Variants in RAB27B observed in about 807,000 individuals in gnomAD.
RAB27B encodes the protein ras-related protein Rab-27B.
Under a neutral mutation model 24.6 loss-of-function variants are expected in RAB27B, and 15 were observed. That is an observed-to-expected ratio of 0.61 (90% CI 0.41 to 0.94). The LOEUF is 0.94. Among genes scored for constraint, RAB27B ranks in the 40% least tolerant of loss-of-function variants. RAB27B has a pLI of 0.00. For synonymous variants in RAB27B, 105 were observed against 92.5 expected, an observed-to-expected ratio of 1.14 and a Z score of -0.78; for missense variants, 261 against 266.8, an observed-to-expected ratio of 0.98 and a Z score of 0.15.
intron 1 of RAB27B, among the ~76,000 whole-genome samples, chr18:54,872,278 A>T (rs1413331224): frequency 6.6e-6 from 1 of 152,134 alleles, no homozygotes; most frequent in Non-Finnish European, 1.5e-5. Context: ...ATTCCTCTGA[A>T]GATATATTCT....
At chr18:54,740,961 T>C (rs1910052574) in intron 2 of RAB27B, among the ~76,000 whole-genome samples, 2 of 152,192 alleles carry the variant, frequency 1.3e-5, no homozygotes, top group African/African-American at 4.8e-5. Context: ...ACTTGGTCTT[T>C]ATTTTCAATA....
chr18:54,739,616 C>A (rs535570475), intron 2 of RAB27B, among the ~76,000 whole-genome samples: 1 of 148,594 alleles, frequency 6.7e-6, no homozygotes, highest in African/African-American at 2.5e-5. Context: ...CTTTGTGTGG[C>A]ACATTTTTAT....
At chr18:54,759,447 G>C (rs1274623109) in intron 2 of RAB27B, among the ~76,000 whole-genome samples, 1 of 152,150 alleles carries the variant, frequency 6.6e-6, no homozygotes, top group Non-Finnish European at 1.5e-5. Flanking sequence ...AATGAGCTCT[G>C]TAGTATGCTG....
chr18:54,850,568 T>C (rs1391971570), intron 1 of RAB27B, among the ~76,000 whole-genome samples: 3 of 150,610 alleles, frequency 2.0e-5, no homozygotes, highest in African/African-American at 2.4e-5. Context: ...CGTTTCACCA[T>C]GTTGGTCAGG....
At chr18:54,879,110 C>T (rs1912819072) in intron 2 of RAB27B, among the ~76,000 whole-genome samples, 1 of 152,126 alleles carries the variant, frequency 6.6e-6, no homozygotes, top group South Asian at 2.1e-4. Flanking sequence ...CTGATGTTTG[C>T]TGCCTCATGA....
intron 2 of RAB27B, among the ~76,000 whole-genome samples, chr18:54,747,372 C>T (rs950682406): frequency 5.3e-5 from 8 of 152,254 alleles, no homozygotes; most frequent in East Asian, 1.9e-4. Flanking sequence ...TTCCAAATGA[C>T]GTGGATAAAC....
chr18:54,877,652 A>C lies in RAB27B; in HGVS notation c.67A>C (p.Thr23Pro). 2 of 1,597,678 alleles carry C rather than the reference A, an allele frequency of 1.3e-6. No individual in the cohort carries two copies. The highest frequency in any genetic ancestry group is 1.7e-6 in the Non-Finnish European group (2 of 1,175,112). Residue 23 changes from threonine (T) to proline (P), a missense_variant, in exon 2 of 6, where the codon ACA (threonine) becomes CCA (proline). By Grantham distance (38) the Thr-to-Pro change is conservative. Coordinates refer to ENST00000262094, the MANE Select transcript of RAB27B (RefSeq NM_004163.4). ...LALGDSGVGK[T>P]TFLYRYTDNK... The stretch of plus-strand genomic sequence containing the variant: ...CCTCGGGGATTCAGGGGTGGGGAAG[A>C]CAACATTTCTTTATAGATACACAGA...
intron 2 of RAB27B, among the ~76,000 whole-genome samples, chr18:54,794,748 G>A (rs184712829): frequency 5.3e-5 from 8 of 152,306 alleles, no homozygotes; most frequent in African/African-American, 7.2e-5. Flanking sequence ...AAGTGGTCCC[G>A]TTTAGAGTGC....
At chr18:54,834,138 TTATAAAA>T (rs1267240963) in intron 1 of RAB27B, among the ~76,000 whole-genome samples, 3 of 152,204 alleles carry the variant, frequency 2.0e-5, no homozygotes, top group Non-Finnish European at 4.4e-5. Context: ...GAAAGTATAG[TTATAAAA>T]TATAAAACAG....
upstream of RAB27B, among the ~76,000 whole-genome samples, chr18:54,824,196 T>A (rs2871673): frequency 1.3e-5 from 2 of 152,082 alleles, no homozygotes; most frequent in Non-Finnish European, 2.9e-5. Flanking sequence ...ATTTTTATTA[T>A]GTCCAGATCT....
At chr18:54,877,080 G>A (rs1912732651) in intron 1 of RAB27B, among the ~76,000 whole-genome samples, 2 of 152,170 alleles carry the variant, frequency 1.3e-5, no homozygotes, top group Non-Finnish European at 2.9e-5. Flanking sequence ...TTATCCTCAT[G>A]CTGCTCATGT....
At chr18:54,728,901 C>CAAAAAAAAAAAAAAAAAAAAAAAAAAAA (rs1568044209) in intron 2 of RAB27B, among the ~76,000 whole-genome samples, 1 of 24,092 alleles carries the variant, frequency 4.2e-5, no homozygotes, top group African/African-American at 1.4e-4. Context: ...AAAAAAAAAA[C>CAAAAAAAAAAAAAAAAAAAAAAAAAAAA]CCAAAAAAAA....
intron 1 of RAB27B, among the ~76,000 whole-genome samples, chr18:54,863,269 T>C (rs1912078601): frequency 6.6e-6 from 1 of 152,230 alleles, no homozygotes; most frequent in South Asian, 2.1e-4. Context: ...TCTATTATCA[T>C]TTGAATTGTC....
At chr18:54,753,883 G>C (rs1859575532) in intron 2 of RAB27B, among the ~76,000 whole-genome samples, 1 of 152,092 alleles carries the variant, frequency 6.6e-6, no homozygotes. Flanking sequence ...CACACTTGGG[G>C]TTTAGAAGAA....
chr18:54,731,835 A>C (rs1170352096), intron 2 of RAB27B, among the ~76,000 whole-genome samples: 3 of 152,210 alleles, frequency 2.0e-5, no homozygotes, highest in Non-Finnish European at 4.4e-5. Flanking sequence ...TTTTACTCAC[A>C]ATGTTAAAAA....
At chr18:54,838,067 A>AT (rs1910963871) in intron 1 of RAB27B, among the ~76,000 whole-genome samples, 2 of 152,192 alleles carry the variant, frequency 1.3e-5, no homozygotes, top group Non-Finnish European at 2.9e-5. Flanking sequence ...TGTACAGCCA[A>AT]TGTTAATTTA....
rs1221859556 is a variant in RAB27B, at chr18:54,894,597, A to T, written c.*5184A>T. The T allele has an allele frequency of 2.0e-5, 3 of 152,120 alleles. No individual in the cohort carries two copies. The highest frequency in any genetic ancestry group is 6.6e-5 in the Admixed American group (1 of 15,256). The allele number at this position is 152,120 out of a possible 1,614,324, so 9.4% of individuals were successfully genotyped here. A position where few individuals can be genotyped will look rare whatever the true frequency, so the allele number is the denominator to read the frequency against. On this transcript the variant is annotated 3_prime_UTR_variant, in exon 6 of 6. Transcript: ENST00000262094. ...TGTAGAAAGGAAAGTGGCCAGAAAGAACAACTTGGGACCATGAGTAGGTCA... is the reference window on the plus strand; with the variant it reads ...TGTAGAAAGGAAAGTGGCCAGAAAGTACAACTTGGGACCATGAGTAGGTCA...
intron 2 of RAB27B, among the ~76,000 whole-genome samples, chr18:54,878,755 T>G (rs1194111987): frequency 1.2e-5 from 1 of 82,186 alleles, no homozygotes; most frequent in African/African-American, 2.9e-5. Flanking sequence ...AGGCCAGAAT[T>G]TTTTTAAAAA....
intron 2 of RAB27B, among the ~76,000 whole-genome samples, chr18:54,739,094 T>A (rs1909990470): frequency 6.6e-6 from 1 of 152,204 alleles, no homozygotes; most frequent in Admixed American, 6.5e-5. Flanking sequence ...ATGTCATGTT[T>A]TTGAGTTTTG....
Sources: gnomAD v4.1 joint callset for allele counts (sites outside exome capture counted in the v4.1 genomes callset) on GRCh38, gnomAD v4.1.1 for gene constraint, MANE v1.5 for transcripts, NCBI Gene and HGNC (gene_info 2026-07-23, HGNC 2026-07-21) for gene names.